GMDS: variants seen among roughly 807,000 people sequenced by gnomAD.
The protein encoded by GMDS is GDP-mannose 4,6 dehydratase.
GMDS carries 20 observed loss-of-function variants against 49.9 expected under a neutral mutation model. That is an observed-to-expected ratio of 0.40 (90% CI 0.28 to 0.58). The LOEUF (loss-of-function observed/expected upper bound fraction) is 0.58, where lower values mean the gene tolerates loss of function less well. GMDS is among the 20% of genes least tolerant of loss of function. The probability of loss-of-function intolerance (pLI) is 0.42; values close to 1 mark genes in which losing one functional copy is unlikely to be tolerated. For synonymous variants in GMDS, 177 were observed against 178.6 expected (o/e 0.99, Z 0.07); for missense variants, 362 against 481.4 (o/e 0.75, Z 2.32).
chr6:2,165,230 G>A (rs1472170914), intron 1 of GMDS, among the ~76,000 whole-genome samples: 1 of 152,204 alleles, frequency 6.6e-6, no homozygotes, highest in African/African-American at 2.4e-5. Flanking sequence ...CCAATAAAGT[G>A]TGTGGAGAGA....
At chr6:2,107,838 C>G (rs1470626887) in intron 4 of GMDS, among the ~76,000 whole-genome samples, 1 of 152,194 alleles carries the variant, frequency 6.6e-6, no homozygotes. Context: ...GGTCTAAATG[C>G]AAACATACCT....
At chr6:2,101,659 T>C (rs987528137) in intron 4 of GMDS, among the ~76,000 whole-genome samples, 2 of 151,888 alleles carry the variant, frequency 1.3e-5, no homozygotes, top group Non-Finnish European at 2.9e-5. Flanking sequence ...TTATCTAAAA[T>C]AAAGACACAA....
chr6:1,910,026 C>T (rs1183759080), intron 7 of GMDS, among the ~76,000 whole-genome samples: 2 of 151,810 alleles, frequency 1.3e-5, no homozygotes, highest in African/African-American at 2.4e-5. Flanking sequence ...TTGAAGACGT[C>T]GTACAGAAAA....
At chr6:2,074,959 T>C (rs1306502461) in intron 4 of GMDS, among the ~76,000 whole-genome samples, 1 of 152,200 alleles carries the variant, frequency 6.6e-6, no homozygotes, top group Non-Finnish European at 1.5e-5. Flanking sequence ...GTTATAAGTA[T>C]GTAGATTTAT....
At chr6:2,001,151 C>A (rs1178168228) in intron 4 of GMDS, among the ~76,000 whole-genome samples, 2 of 152,284 alleles carry the variant, frequency 1.3e-5, no homozygotes, top group Non-Finnish European at 1.5e-5. Context: ...TTCACCAACA[C>A]CTGTTATGAT....
At chr6:1,887,063 A>C (rs1319558456) in intron 7 of GMDS, among the ~76,000 whole-genome samples, 1 of 152,234 alleles carries the variant, frequency 6.6e-6, no homozygotes, top group Non-Finnish European at 1.5e-5. Flanking sequence ...ATGAGAAAAC[A>C]GACATGTAGA....
intron 4 of GMDS, among the ~76,000 whole-genome samples, chr6:2,019,573 C>T (rs1388242522): frequency 6.6e-6 from 1 of 152,008 alleles, no homozygotes. Context: ...CCTCAGCCTC[C>T]GAAGTAGTTG....
At chr6:1,654,068 C>T (rs1763797412) in intron 9 of GMDS, among the ~76,000 whole-genome samples, 1 of 152,086 alleles carries the variant, frequency 6.6e-6, no homozygotes, top group Non-Finnish European at 1.5e-5. Flanking sequence ...CCATCTCATA[C>T]CCATTAGGAG....
intron 7 of GMDS, among the ~76,000 whole-genome samples, chr6:1,859,795 C>T (rs1449945108): frequency 6.6e-6 from 1 of 152,174 alleles, no homozygotes; most frequent in African/African-American, 2.4e-5. Flanking sequence ...GCAGCCCTTA[C>T]AATAGTCACA....
intron 7 of GMDS, among the ~76,000 whole-genome samples, chr6:1,775,929 T>C (rs936726957): frequency 6.6e-6 from 1 of 152,224 alleles, no homozygotes; most frequent in African/African-American, 2.4e-5. Flanking sequence ...AAGTTTATTT[T>C]TGAGAAATAA....
intron 4 of GMDS, among the ~76,000 whole-genome samples, chr6:2,053,674 T>C (rs1024754572): frequency 4.6e-5 from 7 of 152,064 alleles, no homozygotes; most frequent in Admixed American, 2.6e-4. Flanking sequence ...TTATTCAACA[T>C]ACTAAAATTT....
chr6:1,719,225 G>A (rs920640572), intron 9 of GMDS, among the ~76,000 whole-genome samples: 1 of 152,126 alleles, frequency 6.6e-6, no homozygotes, highest in Non-Finnish European at 1.5e-5. Context: ...AATGACAAAA[G>A]GAGCCAGACG....
chr6:1,763,325 G>A (rs1052911017), intron 7 of GMDS, among the ~76,000 whole-genome samples: 17 of 152,304 alleles, frequency 1.1e-4, no homozygotes, highest in Non-Finnish European at 5.9e-5. Flanking sequence ...TCAGTGAGAG[G>A]ACTATGCAAA....
intron 7 of GMDS, among the ~76,000 whole-genome samples, chr6:1,775,720 T>A (rs1434561994): frequency 1.3e-5 from 2 of 152,206 alleles, no homozygotes; most frequent in East Asian, 3.8e-4. Context: ...CAATGAAAGT[T>A]TTTTGTTTTT....
rs374186618 is a variant in GMDS at position 2,163,436 on chromosome 6, T to TGAGA, written c.103-38709_103-38706dup. 4.0e-5 allele frequency among the ~76,000 whole-genome samples: 6 copies of TGAGA among 150,606 alleles called. No individual in the cohort carries two copies. In the East Asian group the frequency reaches 7.8e-4, roughly 19 times the overall value. ...GTGTGTCTATGTGTGTGTGTGTGTG[T>TGAGA]GAGAGAGAGAGAGAGATTTACTACA... On this transcript the variant is annotated intron_variant, in intron 1 of 10. Transcript: ENST00000380815.
chr6:1,724,045 C>T (rs1198074105), intron 9 of GMDS, among the ~76,000 whole-genome samples: 1 of 152,154 alleles, frequency 6.6e-6, no homozygotes, highest in Non-Finnish European at 1.5e-5. Flanking sequence ...ACTTGTTGTT[C>T]TGAGGAATGA....
intron 7 of GMDS, among the ~76,000 whole-genome samples, chr6:1,827,355 G>A (rs1771171092): frequency 8.9e-6 from 1 of 112,698 alleles, no homozygotes; most frequent in Non-Finnish European, 1.8e-5. Flanking sequence ...ACACGTTTTG[G>A]AAAACCTGTA....
intron 4 of GMDS, among the ~76,000 whole-genome samples, chr6:2,007,362 C>A (rs1373878861): frequency 1.3e-5 from 2 of 152,018 alleles, no homozygotes; most frequent in Admixed American, 6.6e-5. Context: ...CAATTCTAAG[C>A]GTGTACACTT....
At chr6:1,923,432 C>T (rs1761828478) in intron 7 of GMDS, among the ~76,000 whole-genome samples, 1 of 152,226 alleles carries the variant, frequency 6.6e-6, no homozygotes, top group African/African-American at 2.4e-5. Context: ...GTAACACACC[C>T]TCTGGGGCTT....
Sources: gnomAD v4.1 joint callset for allele counts (sites outside exome capture counted in the v4.1 genomes callset) on GRCh38, gnomAD v4.1.1 for gene constraint, MANE v1.5 for transcripts, NCBI Gene and HGNC (gene_info 2026-07-23, HGNC 2026-07-21) for gene names.